The following NRXN1 variants were observed in gnomAD, a reference collection of about 807,000 sequenced individuals.
NRXN1 encodes the protein neurexin 1.
Under a neutral mutation model 150.9 loss-of-function variants are expected in NRXN1, and 39 were observed. The observed-to-expected ratio is 0.26, with a 90% CI of 0.20 to 0.34. The LOEUF is 0.34. Ranked by LOEUF, NRXN1 falls within the 10% of genes least tolerant of loss-of-function variation. The pLI is 1.00. For synonymous variants in NRXN1, 924 were observed against 757.0 expected (o/e 1.22, Z -3.62); for missense variants, 1,815 against 1,949.9 (o/e 0.93, Z 1.30).
chr2:50,761,797 G>A (rs533463899), intron 5 of NRXN1, among the ~76,000 whole-genome samples: 13 of 152,000 alleles, frequency 8.6e-5, no homozygotes, highest in Admixed American at 6.6e-5. Context: ...CAGGATAAAA[G>A]CAGGAAGAGG....
intron 17 of NRXN1, among the ~76,000 whole-genome samples, chr2:50,380,065 C>T (rs1354538542): frequency 2.0e-5 from 3 of 151,934 alleles, no homozygotes; most frequent in African/African-American, 7.3e-5. Flanking sequence ...AAGTATAAAG[C>T]TTGGCTGATG....
chr2:50,079,469 A>G (rs1267427068), intron 19 of NRXN1, among the ~76,000 whole-genome samples: 1 of 152,054 alleles, frequency 6.6e-6, no homozygotes, highest in Non-Finnish European at 1.5e-5. Flanking sequence ...TTGGCCTTCT[A>G]TGATGAAAAT....
Position 50,718,534 on chromosome 2 carries a change from AGTTTTACTAATGTACTCAAGTTCATAT to A in NRXN1, c.833-94946_833-94920del. On this transcript the variant is annotated intron_variant, in intron 5 of 22. Transcript: ENST00000401669. ...ACACATAAAGAAACCAGAAACAGAA[AGTTTTACTAATGTACTCAAGTTCATAT>A]GATGATTTAATTCAGGATTTGACAA... Among the ~76,000 whole-genome samples the A allele has an allele frequency of 2.6e-5, 4 of 152,322 alleles. No homozygotes were observed. In the Middle Eastern group the frequency reaches 0.01, roughly 389 times the overall value.
At chr2:50,262,816 A>G (rs981478955) in intron 17 of NRXN1, among the ~76,000 whole-genome samples, 1 of 151,980 alleles carries the variant, frequency 6.6e-6, no homozygotes, top group Non-Finnish European at 1.5e-5. Flanking sequence ...CAGATTATTA[A>G]TTCCCATTGT....
At chr2:50,413,699 GA>G (rs2083344858) in intron 17 of NRXN1, among the ~76,000 whole-genome samples, 1 of 152,040 alleles carries the variant, frequency 6.6e-6, no homozygotes. Flanking sequence ...CCAAAGAAAG[GA>G]AATCAGTATA....
At chr2:50,116,640 G>C (rs1342708551) in intron 18 of NRXN1, among the ~76,000 whole-genome samples, 1 of 151,842 alleles carries the variant, frequency 6.6e-6, no homozygotes, top group African/African-American at 2.4e-5. Flanking sequence ...CAGAAAGCAA[G>C]AAAAAACTCT....
chr2:50,169,039 C>T (rs754172831), intron 18 of NRXN1, among the ~76,000 whole-genome samples: 5 of 152,156 alleles, frequency 3.3e-5, no homozygotes, highest in Admixed American at 1.3e-4. Context: ...CAGAAGCAAA[C>T]GTATCACTGT....
intron 17 of NRXN1, among the ~76,000 whole-genome samples, chr2:50,461,641 C>T (rs1380533603): frequency 6.6e-6 from 1 of 151,864 alleles, no homozygotes; most frequent in African/African-American, 2.4e-5. Context: ...TAGCACAGAA[C>T]TGGCACATAG....
intron 5 of NRXN1, among the ~76,000 whole-genome samples, chr2:50,736,157 T>C (rs1176343101): frequency 6.6e-6 from 1 of 152,160 alleles, no homozygotes; most frequent in Non-Finnish European, 1.5e-5. Context: ...TCATTTCCAT[T>C]CTCCCAGCTC....
chr2:49,954,336 T>G (rs1276612575), intron 21 of NRXN1, among the ~76,000 whole-genome samples: 1 of 152,134 alleles, frequency 6.6e-6, no homozygotes, highest in East Asian at 1.9e-4. Flanking sequence ...AATCTATGTC[T>G]GGCATTATGA....
chr2:50,436,421 C>A (rs1306635094), intron 17 of NRXN1, among the ~76,000 whole-genome samples: 1 of 151,568 alleles, frequency 6.6e-6, no homozygotes, highest in Non-Finnish European at 1.5e-5. Context: ...CTATTGCACT[C>A]CAGCCTGGGC....
At chr2:50,894,321 A>T (rs1295889894) in intron 5 of NRXN1, among the ~76,000 whole-genome samples, 2 of 150,476 alleles carry the variant, frequency 1.3e-5, no homozygotes, top group Non-Finnish European at 3.0e-5. Flanking sequence ...AAAACAGTAA[A>T]ATAAAACCAA....
At chr2:50,601,427 C>T (rs1180100992) in intron 8 of NRXN1, among the ~76,000 whole-genome samples, 1 of 152,002 alleles carries the variant, frequency 6.6e-6, no homozygotes, top group Non-Finnish European at 1.5e-5. Flanking sequence ...AGGATGGTAC[C>T]AAAACAACAG....
chr2:50,055,985 A>G (rs1467660031), intron 19 of NRXN1, among the ~76,000 whole-genome samples: 1 of 152,064 alleles, frequency 6.6e-6, no homozygotes, highest in East Asian at 1.9e-4. Context: ...TTGCAAATAG[A>G]TGAGTGTTTT....
intron 2 of NRXN1, among the ~76,000 whole-genome samples, chr2:50,986,647 T>C (rs1163159525): frequency 6.6e-6 from 1 of 151,736 alleles, no homozygotes; most frequent in African/African-American, 2.4e-5. Flanking sequence ...TTTGCCCTTA[T>C]GCAAACTACA....
intron 18 of NRXN1, among the ~76,000 whole-genome samples, chr2:50,200,456 T>C (rs974507176): frequency 3.3e-5 from 5 of 152,092 alleles, no homozygotes; most frequent in African/African-American, 4.8e-5. Flanking sequence ...AAAAACATAA[T>C]TGTGAGTTGG....
intron 17 of NRXN1, among the ~76,000 whole-genome samples, chr2:50,287,826 C>A (rs2152939979): frequency 6.6e-6 from 1 of 152,200 alleles, no homozygotes; most frequent in African/African-American, 2.4e-5. Context: ...AGGTGATATT[C>A]AAAAATATTA....
chr2:50,692,188 T>C (rs771306064), intron 5 of NRXN1, among the ~76,000 whole-genome samples: 3 of 152,194 alleles, frequency 2.0e-5, no homozygotes, highest in Admixed American at 6.5e-5. Flanking sequence ...TGGTAAATAT[T>C]ATCTGAATAA....
intron 5 of NRXN1, among the ~76,000 whole-genome samples, chr2:50,629,373 G>T (rs1681813234): frequency 1.3e-5 from 2 of 151,552 alleles, no homozygotes; most frequent in Non-Finnish European, 3.0e-5. Context: ...ACACAAAAGA[G>T]AACATAGTTC....
Sources: gnomAD v4.1 joint callset for allele counts (sites outside exome capture counted in the v4.1 genomes callset) on GRCh38, gnomAD v4.1.1 for gene constraint, MANE v1.5 for transcripts, NCBI Gene and HGNC (gene_info 2026-07-23, HGNC 2026-07-21) for gene names.